Variants in ZKSCAN3 observed in about 807,000 individuals in gnomAD.
The protein encoded by ZKSCAN3 is zinc finger protein with KRAB and SCAN domains 3.
A neutral mutation model predicts 30.7 loss-of-function variants in ZKSCAN3; 21 were observed. That is an observed-to-expected ratio of 0.68 (90% CI 0.49 to 0.99). The LOEUF (loss-of-function observed/expected upper bound fraction) is 0.99. ZKSCAN3 is among the 50% of genes least tolerant of loss of function. The probability of loss-of-function intolerance (pLI) is 0.00; values close to 1 mark genes in which losing one functional copy is unlikely to be tolerated. For missense variants in ZKSCAN3, 507 were observed against 647.1 expected (o/e 0.78, Z 2.35); for synonymous variants, 201 against 246.7 (o/e 0.81, Z 1.73).
intron 1 of ZKSCAN3, among the ~76,000 whole-genome samples, chr6:28,353,033 A>T (rs1401487172): frequency 4.2e-5 from 6 of 142,920 alleles, no homozygotes; most frequent in Non-Finnish European, 1.5e-5. Context: ...CAGTGGTGCG[A>T]TCTTGGCTCA....
chr6:28,365,307 G>A (rs1235101724), intron 5 of ZKSCAN3, 119 bp from the exon 6 acceptor site: 1 of 1,375,510 alleles, frequency 7.3e-7, no homozygotes, highest in Non-Finnish European at 9.9e-7. Flanking sequence ...CCTTATTCTA[G>A]CACTTAAATC....
intron 3 of ZKSCAN3, among the ~76,000 whole-genome samples, chr6:28,362,960 GC>G (rs1276211228): frequency 6.6e-6 from 1 of 152,184 alleles, no homozygotes; most frequent in African/African-American, 2.4e-5. Flanking sequence ...TTTCACAACT[GC>G]TCACAAGGAT....
At chr6:28,357,548 A>G (rs1459902722) in intron 1 of ZKSCAN3, among the ~76,000 whole-genome samples, 1 of 152,236 alleles carries the variant, frequency 6.6e-6, no homozygotes, top group African/African-American at 2.4e-5. Context: ...GCCTGAGAAG[A>G]GGCCATGGAA....
intron 3 of ZKSCAN3, among the ~76,000 whole-genome samples, chr6:28,362,786 G>A (rs1765816428): frequency 6.6e-6 from 1 of 152,058 alleles, no homozygotes; most frequent in African/African-American, 2.4e-5. Context: ...GCCTTTCATA[G>A]CCCAGCTTTG....
intron 1 of ZKSCAN3, among the ~76,000 whole-genome samples, chr6:28,356,500 G>A (rs1765435574): frequency 1.3e-5 from 2 of 152,174 alleles, no homozygotes; most frequent in Admixed American, 1.3e-4. Flanking sequence ...ACAACTCAGT[G>A]GGGGGTACAA....
chr6:28,365,328 G>T, intron 5 of ZKSCAN3, 98 bp from the exon 6 acceptor site: 1 of 1,475,814 alleles, frequency 6.8e-7, no homozygotes, highest in South Asian at 1.4e-5. Context: ...CTCATCCCAG[G>T]CATTTATAGA....
rs770547963 is a variant in ZKSCAN3, at chr6:28,359,800, C to T, written c.214C>T (p.Arg72Ter). Residue 72 changes from arginine to a stop codon, truncating the protein, a stop_gained, in exon 2 of 6, where the codon CGA becomes TGA. Coordinates refer to ENST00000252211, the MANE Select transcript of ZKSCAN3 (RefSeq NM_024493.4). LOFTEE classifies it high-confidence loss of function. ...GCTGAGTCGGCTCCGAGAGCTCTGCCGACAGTGGCTGCAGCCTGAGATGCA... is the reference window on the plus strand; with the variant it reads ...GCTGAGTCGGCTCCGAGAGCTCTGCTGACAGTGGCTGCAGCCTGAGATGCA... Reference protein sequence around the residue: ...EALSRLRELCRQWLQPEMHSK... With the variant: ...EALSRLRELC The T allele has an allele frequency of 3.7e-6, 6 of 1,614,070 alleles. No homozygotes were observed. Among genetic ancestry groups the T allele is most frequent in the African/African-American group, 1.3e-5 (1 of 74,920 alleles).
intron 1 of ZKSCAN3, chr6:28,355,274 A>T (rs890305250): frequency 3.3e-5 from 5 of 152,156 alleles, no homozygotes; most frequent in African/African-American, 1.2e-4. Flanking sequence ...ACAAAAGTGG[A>T]TGTCTGTGCC....
rs1764863084 is a variant in ZKSCAN3 at position 28,349,995 on chromosome 6, C to T, written c.-135C>T. ...TATGGGGTGAATCGGCGTCGGCCTT[C>T]CACTGTGGGGTTAAATCTCATCCCG... On this transcript the variant is annotated 5_prime_UTR_variant, in exon 1 of 6. Coordinates refer to ENST00000252211, the MANE Select transcript of ZKSCAN3 (RefSeq NM_024493.4). This position sits in a 1 kb window ranked among gnomAD's most constrained non-coding sequence, Gnocchi z 4.1. 1 of 152,244 alleles carries T rather than the reference C, an allele frequency of 6.6e-6. No homozygotes were observed. The highest frequency in any genetic ancestry group is 1.5e-5 in the Non-Finnish European group (1 of 68,122). 9.4% of individuals were successfully genotyped at this position (152,244 alleles called of 1,614,324 possible). A position where few individuals can be genotyped will look rare whatever the true frequency, so the allele number is the denominator to read the frequency against.
At position 28,363,791 on chromosome 6, in the gene ZKSCAN3, A is replaced by C; in HGVS notation, c.733A>C (p.Asn245His). ...TCTCTGTAGAGATGAAAAGCAGGAG[A>C]ACCATGGCAGCCTGGTCTCCCTGGG... ...GNLCRDEKQE[N>H]HGSLVSLGDE... The change falls in exon 5 of 6, where the codon AAC (asparagine) becomes CAC (histidine). Residue 245 changes from asparagine (N) to histidine (H), a missense_variant. Transcript: ENST00000252211. 6.2e-7 allele frequency: 1 copy of C among 1,613,938 alleles called. No individual in the cohort carries two copies. The highest frequency in any genetic ancestry group is 8.5e-7 in the Non-Finnish European group (1 of 1,179,886).
intron 3 of ZKSCAN3, among the ~76,000 whole-genome samples, chr6:28,362,190 A>G (rs1369376709): frequency 1.3e-5 from 2 of 152,212 alleles, no homozygotes; most frequent in African/African-American, 4.8e-5. Context: ...TGGAACTGTG[A>G]GTGAAACTGT....
At chr6:28,354,413 AG>A (rs1228359610) in intron 1 of ZKSCAN3, among the ~76,000 whole-genome samples, 12 of 152,296 alleles carry the variant, frequency 7.9e-5, no homozygotes, top group Non-Finnish European at 1.5e-4. Flanking sequence ...CCCTTGGCCG[AG>A]GGAGACATAG....
At chr6:28,363,442 G>C in intron 4 of ZKSCAN3, 57 bp downstream of exon 4, 1 of 1,531,076 alleles carries the variant, frequency 6.5e-7, no homozygotes, top group Non-Finnish European at 9.0e-7. Flanking sequence ...AGCTTCCTGT[G>C]AAGACTCCTC....
At position 28,351,796 on chromosome 6, in the gene ZKSCAN3, T is replaced by G. The variant is rs1218979660; in HGVS notation, c.-63+1729T>G. Among the ~76,000 whole-genome samples, 1 of 152,060 alleles carries G rather than the reference T, an allele frequency of 6.6e-6. No individual in the cohort carries two copies. The highest frequency in any genetic ancestry group is 2.4e-5 in the African/African-American group (1 of 41,374). On this transcript the variant is annotated intron_variant, in intron 1 of 5. Transcript: ENST00000252211. The surrounding 1 kb of genome is among the most constrained non-coding windows in gnomAD (Gnocchi z 4.6). ...CGTCCCTCTCTTCTCTTTCATTTTA[T>G]AGCAAATTGCAGATGGAAACATTTT...
chr6:28,358,830 G>A (rs888456518), intron 1 of ZKSCAN3, among the ~76,000 whole-genome samples: 4 of 147,406 alleles, frequency 2.7e-5, no homozygotes, highest in Non-Finnish European at 5.9e-5. Context: ...GTTGCAGCAA[G>A]CCGAGATCAT....
chr6:28,359,102 G>A (rs1765618196), intron 1 of ZKSCAN3, among the ~76,000 whole-genome samples: 1 of 151,956 alleles, frequency 6.6e-6, no homozygotes, highest in African/African-American at 2.4e-5. Flanking sequence ...CAGCTCTTTG[G>A]GATCAGTCCA....
intron 2 of ZKSCAN3, chr6:28,360,707 C>T (rs1424924650): frequency 2.0e-6 from 2 of 985,344 alleles, no homozygotes; most frequent in Non-Finnish European, 2.4e-6. Context: ...GGGTTCTTGA[C>T]TTGGGTCTGT....
intron 1 of ZKSCAN3, among the ~76,000 whole-genome samples, chr6:28,350,602 G>C (rs1232504921): frequency 6.6e-6 from 1 of 152,172 alleles, no homozygotes; most frequent in Non-Finnish European, 1.5e-5. Context: ...GAATGCATTC[G>C]TATGGGTAAG....
intron 3 of ZKSCAN3, 87 bp from the exon 4 acceptor site, chr6:28,363,213 TCTA>T: frequency 1.7e-6 from 2 of 1,142,864 alleles, no homozygotes; most frequent in Non-Finnish European, 2.5e-6. Context: ...GAGACAGGAA[TCTA>T]TTAATCCAGT....
Sources: gnomAD v4.1 joint callset for allele counts (sites outside exome capture counted in the v4.1 genomes callset) on GRCh38, gnomAD v4.1.1 for gene constraint, Gnocchi (gnomAD v3.1) non-coding constraint, MANE v1.5 for transcripts, NCBI Gene and HGNC (gene_info 2026-07-23, HGNC 2026-07-21) for gene names.